The following NFIB variants were observed in gnomAD, a reference collection of about 807,000 sequenced individuals.
NFIB encodes nuclear factor I B.
In NFIB, 11 loss-of-function variants were observed where a neutral mutation model predicts 61.5. The observed-to-expected ratio is 0.18, with a 90% confidence interval of 0.11 to 0.30. The LOEUF (loss-of-function observed/expected upper bound fraction) is 0.30. Ranked by LOEUF, NFIB falls within the 10% of genes least tolerant of loss-of-function variation. The pLI, the probability that NFIB is intolerant of heterozygous loss-of-function variation, is 1.00. For synonymous variants in NFIB, 260 were observed against 216.5 expected, an observed-to-expected ratio of 1.20 and a Z score of -1.76; for missense variants, 471 against 608.9, an observed-to-expected ratio of 0.77 and a Z score of 2.38.
At chr9:14,352,311 TTA>T in intron 1 of NFIB, among the ~76,000 whole-genome samples, 1 of 152,176 alleles carries the variant, frequency 6.6e-6, no homozygotes, top group East Asian at 1.9e-4. Context: ...TATCATTATT[TTA>T]TGAGTGTGGA....
At chr9:14,421,749 A>T in the NFIB span, among the ~76,000 whole-genome samples, 1 of 152,184 alleles carries the variant, frequency 6.6e-6, no homozygotes, top group Non-Finnish European at 1.5e-5. Context: ...ATTTTGATAC[A>T]CCTTTATAGA....
intron 3 of NFIB, among the ~76,000 whole-genome samples, chr9:14,171,017 G>T (rs1444769331): frequency 6.6e-6 from 1 of 152,200 alleles, no homozygotes; most frequent in Non-Finnish European, 1.5e-5. Context: ...GTTAAGGAAA[G>T]TTTGAACTAA....
intron 2 of NFIB, chr9:14,204,298 T>G (rs2049379908): frequency 1.4e-6 from 1 of 698,742 alleles, no homozygotes; most frequent in East Asian, 2.6e-5. Flanking sequence ...CGGCCCCTGC[T>G]GTCTTGAAGA....
the NFIB span, among the ~76,000 whole-genome samples, chr9:14,503,405 C>A: frequency 6.6e-6 from 1 of 152,162 alleles, no homozygotes; most frequent in Non-Finnish European, 1.5e-5. Flanking sequence ...GACATTCCCA[C>A]CAACAGTGTA....
chr9:14,219,730 T>C (rs1452907100), intron 2 of NFIB, among the ~76,000 whole-genome samples: 1 of 152,184 alleles, frequency 6.6e-6, no homozygotes, highest in African/African-American at 2.4e-5. Context: ...AAAGAAAGCT[T>C]GAGCAAATAA....
At chr9:14,179,683 C>G (rs201790237) in intron 3 of NFIB, 44 bp downstream of exon 3, 1 of 1,606,308 alleles carries the variant, frequency 6.2e-7, no homozygotes, top group Non-Finnish European at 8.5e-7. Flanking sequence ...TACCTTTGTT[C>G]TCCAACAATG....
At chr9:14,103,463 G>T (rs1036898536) in intron 10 of NFIB, among the ~76,000 whole-genome samples, 4 of 151,978 alleles carry the variant, frequency 2.6e-5, no homozygotes, top group African/African-American at 9.7e-5. Flanking sequence ...AACCTTGTTT[G>T]CTGCTTTTCA....
intron 2 of NFIB, among the ~76,000 whole-genome samples, chr9:14,237,633 C>G (rs10961444): frequency 0.26 from 39,696 of 152,004 alleles, 6,413 homozygotes; most frequent in Middle Eastern, 0.46. Flanking sequence ...GCTGAGGCAT[C>G]CAAAAGTTAA....
chr9:14,317,799 T>C (rs1020603022), upstream of NFIB, among the ~76,000 whole-genome samples: 12 of 152,306 alleles, frequency 7.9e-5, no homozygotes, highest in African/African-American at 2.9e-4. Context: ...TGGCTTCTCT[T>C]AACACAACAC....
At chr9:14,330,181 C>G (rs893261105) in intron 1 of NFIB, among the ~76,000 whole-genome samples, 1 of 152,058 alleles carries the variant, frequency 6.6e-6, no homozygotes, top group Non-Finnish European at 1.5e-5. Flanking sequence ...TAACAGAATG[C>G]AAGTGAGGGA....
chr9:14,227,371 G>GA (rs2052563153), intron 2 of NFIB, among the ~76,000 whole-genome samples: 1 of 152,112 alleles, frequency 6.6e-6, no homozygotes, highest in African/African-American at 2.4e-5. Context: ...TATAGGGCAT[G>GA]AAATATTAGG....
chr9:14,378,550 T>C lies in NFIB; in HGVS notation c.108+19974A>G, dbSNP rs202163962. ...TTTTGTATTTTTAGTAGAGACGGGGTTTCACCATATCGGCCAGGATGGACT... is the reference window on the plus strand; with the variant it reads ...TTTTGTATTTTTAGTAGAGACGGGGCTTCACCATATCGGCCAGGATGGACT... On this transcript the variant is annotated intron_variant, in intron 1 of 8. Transcript: ENST00000380934. Among the ~76,000 whole-genome samples, 7 of 152,152 alleles carry C rather than the reference T, an allele frequency of 4.6e-5. No individual in the cohort carries two copies. The East Asian group carries it at 1.4e-3, about 29-fold the overall frequency.
At chr9:14,240,831 G>C (rs2054270310) in intron 2 of NFIB, among the ~76,000 whole-genome samples, 1 of 152,140 alleles carries the variant, frequency 6.6e-6, no homozygotes, top group Non-Finnish European at 1.5e-5. Context: ...TTACTCCACA[G>C]AAAGCAGACA....
At chr9:14,366,829 C>A (rs1175843581) in intron 1 of NFIB, among the ~76,000 whole-genome samples, 1 of 152,092 alleles carries the variant, frequency 6.6e-6, no homozygotes. Flanking sequence ...TCTGTCAGAA[C>A]CCTCTAGGAC....
chr9:14,396,414 C>T (rs1437477695), intron 1 of NFIB, among the ~76,000 whole-genome samples: 2 of 152,138 alleles, frequency 1.3e-5, no homozygotes, highest in African/African-American at 2.4e-5. Flanking sequence ...ACTGTTGGCA[C>T]GCCTCCCATG....
intron 2 of NFIB, among the ~76,000 whole-genome samples, chr9:14,294,927 C>G (rs1401539232): frequency 1.3e-5 from 2 of 152,154 alleles, no homozygotes; most frequent in Non-Finnish European, 2.9e-5. Context: ...CGTAGGGAAA[C>G]AAGCACCGAA....
At chr9:14,180,113 G>A (rs149960904) in intron 2 of NFIB, among the ~76,000 whole-genome samples, 2 of 152,282 alleles carry the variant, frequency 1.3e-5, no homozygotes, top group East Asian at 3.9e-4. Context: ...GTAGCAATAT[G>A]AAATAAAGCA....
chr9:14,471,315 C>T, the NFIB span, among the ~76,000 whole-genome samples: 2 of 152,148 alleles, frequency 1.3e-5, no homozygotes, highest in African/African-American at 4.8e-5. Flanking sequence ...TTTGCCTCCC[C>T]CCTGAGGTCA....
chr9:14,143,745 C>T (rs1221680481), intron 6 of NFIB, among the ~76,000 whole-genome samples: 1 of 152,108 alleles, frequency 6.6e-6, no homozygotes, highest in Non-Finnish European at 1.5e-5. Context: ...TTAGACAACT[C>T]CCTCCATCAC....
Sources: gnomAD v4.1 joint callset for allele counts (sites outside exome capture counted in the v4.1 genomes callset) on GRCh38, gnomAD v4.1.1 for gene constraint, MANE v1.5 for transcripts, NCBI Gene and HGNC (gene_info 2026-07-23, HGNC 2026-07-21) for gene names.